The following PLD1 variants were observed in gnomAD, a reference collection of about 807,000 sequenced individuals.
PLD1 encodes choline phosphatase 1.
PLD1 carries 112 observed loss-of-function variants against 137.1 expected under a neutral mutation model. The ratio of observed to expected loss-of-function variants is 0.82; its 90% CI spans 0.70 to 0.96. The LOEUF (loss-of-function observed/expected upper bound fraction) is 0.96, where lower values mean the gene tolerates loss of function less well. Ranked by LOEUF, PLD1 falls within the 40% of genes least tolerant of loss-of-function variation. The pLI, the probability that PLD1 is intolerant of heterozygous loss-of-function variation, is 0.00. For synonymous variants in PLD1, 431 were observed against 454.7 expected, an observed-to-expected ratio of 0.95 and a Z score of 0.66; for missense variants, 1,321 against 1,342.0, an observed-to-expected ratio of 0.98 and a Z score of 0.24.
At chr3:171,795,038 A>G (rs976741154) in intron 1 of PLD1, among the ~76,000 whole-genome samples, 35 of 152,270 alleles carry the variant, frequency 2.3e-4, no homozygotes, top group African/African-American at 8.0e-4. Context: ...GCACACCATT[A>G]TATCATTCTG....
In PLD1 at chr3:171,735,660, T is replaced by C. The variant is rs746413205; in HGVS notation, c.289-23A>G. ...TACCTACAGTGATACATAAAAATGTTTGATATTTTAGATAACAACAAAAAT... is the reference window on the plus strand; with the variant it reads ...TACCTACAGTGATACATAAAAATGTCTGATATTTTAGATAACAACAAAAAT... On this transcript the variant is annotated intron_variant, in intron 3 of 26. Transcript: ENST00000351298. The C allele has an allele frequency of 2.7e-5, 37 of 1,383,382 alleles. No individual in the cohort carries two copies. In the East Asian group the frequency reaches 4.6e-4, roughly 17 times the overall value. The allele number at this position is 1,383,382 out of a possible 1,614,324, so 85.7% of individuals were successfully genotyped here. A position where few individuals can be genotyped will look rare whatever the true frequency, so the allele number is the denominator to read the frequency against.
intron 15 of PLD1, 146 bp downstream of exon 15, chr3:171,687,225 G>T: frequency 1.5e-6 from 1 of 661,118 alleles, no homozygotes. Flanking sequence ...AATGGCATGA[G>T]GTTGAATAGA....
chr3:171,724,321 A>G lies in PLD1; in HGVS notation c.758+375T>C, dbSNP rs78875559. On this transcript the variant is annotated intron_variant, in intron 8 of 26. Coordinates refer to ENST00000351298, the MANE Select transcript of PLD1 (RefSeq NM_002662.5). The stretch of plus-strand genomic sequence containing the variant: ...CCCTCACCACCATTTGTTATTGTCC[A>G]TCTCTTTGATTATAGCCATCCTTAT... 4.7e-3 allele frequency among the ~76,000 whole-genome samples: 712 copies of G among 152,300 alleles called. 3 individuals are homozygous for G. Among genetic ancestry groups the G allele is most frequent in the African/African-American group, 0.017 (687 of 41,564 alleles).
intron 22 of PLD1, 43 bp downstream of exon 22, chr3:171,644,867 G>T: frequency 8.9e-7 from 1 of 1,129,686 alleles, no homozygotes; most frequent in Non-Finnish European, 1.4e-6. Flanking sequence ...CTTACATGAT[G>T]CATGACCGAA....
At position 171,640,200 on chromosome 3, in the gene PLD1, G is replaced by A. The variant is rs192898756; in HGVS notation, c.2593+2640C>T. ...CTCTGTTATTTATTTTATTCTGCTT[G>A]CTTTAGGTTTAGTTTTCTCTTCTTT... is the stretch of plus-strand genomic sequence containing the variant. On this transcript the variant is annotated intron_variant, in intron 23 of 26. Coordinates refer to ENST00000351298, the MANE Select transcript of PLD1 (RefSeq NM_002662.5). 3.0e-3 allele frequency among the ~76,000 whole-genome samples: 454 copies of A among 151,242 alleles called. 2 individuals carry two copies. Among genetic ancestry groups the A allele is most frequent in the Middle Eastern group, 0.014 (4 of 294 alleles).
chr3:171,750,775 C>T (rs886577010), intron 1 of PLD1, among the ~76,000 whole-genome samples: 2 of 152,120 alleles, frequency 1.3e-5, no homozygotes. Flanking sequence ...AATTAGTAAA[C>T]AAAGGTTGCT....
intron 20 of PLD1, among the ~76,000 whole-genome samples, chr3:171,661,742 C>T (rs1711524665): frequency 6.6e-6 from 1 of 152,144 alleles, no homozygotes; most frequent in South Asian, 2.1e-4. Flanking sequence ...CCCTCCAACC[C>T]AAGCGAAAAC....
chr3:171,772,639 AC>A (rs1322175890), intron 1 of PLD1, among the ~76,000 whole-genome samples: 1 of 152,134 alleles, frequency 6.6e-6, no homozygotes, highest in Non-Finnish European at 1.5e-5. Context: ...AGGAGCTAGT[AC>A]CCCACCTGCT....
chr3:171,792,346 C>A (rs191440676), intron 1 of PLD1: 9 of 338,466 alleles, frequency 2.7e-5, no homozygotes, highest in Non-Finnish European at 5.3e-5. Flanking sequence ...CCAGTTCCAT[C>A]CTCTTATCTA....
At chr3:171,790,577 G>A (rs1305127373) in intron 1 of PLD1, among the ~76,000 whole-genome samples, 2 of 152,218 alleles carry the variant, frequency 1.3e-5, no homozygotes, top group Non-Finnish European at 2.9e-5. Context: ...TGCACAGTGA[G>A]GTGTGGCTAT....
At chr3:171,706,328 G>C (rs1352872107) in intron 11 of PLD1, among the ~76,000 whole-genome samples, 2 of 151,166 alleles carry the variant, frequency 1.3e-5, no homozygotes, top group Non-Finnish European at 2.9e-5. Flanking sequence ...TACTAAAGAG[G>C]CTCAACCCAT....
chr3:171,669,620 C>T (rs1712536558), intron 19 of PLD1, among the ~76,000 whole-genome samples: 3 of 152,200 alleles, frequency 2.0e-5, no homozygotes, highest in African/African-American at 2.4e-5. Flanking sequence ...AGGCTGGTCT[C>T]GAACTCCTGA....
intron 21 of PLD1, among the ~76,000 whole-genome samples, chr3:171,648,541 C>T (rs1736461457): frequency 6.6e-6 from 1 of 151,696 alleles, no homozygotes; most frequent in Non-Finnish European, 1.5e-5. Flanking sequence ...AATCCTTCCA[C>T]ATAAGAACAT....
At chr3:171,694,306 T>TA (rs1291655837) in intron 12 of PLD1, among the ~76,000 whole-genome samples, 1 of 152,130 alleles carries the variant, frequency 6.6e-6, no homozygotes, top group African/African-American at 2.4e-5. Context: ...TAGTACTTGC[T>TA]AATTATTTAT....
rs758252162 is a variant in PLD1, at chr3:171,601,629, G to A, written c.*1449C>T. On this transcript the variant is annotated 3_prime_UTR_variant, in exon 27 of 27. Coordinates refer to ENST00000351298, the MANE Select transcript of PLD1 (RefSeq NM_002662.5). Reference sequence around the variant, plus strand: ...CCCCTATCCCTGACTTTGTGCTCCTGTTTAATTTTTCCAACTGAAGTATTA... The same window carrying A: ...CCCCTATCCCTGACTTTGTGCTCCTATTTAATTTTTCCAACTGAAGTATTA... The A allele has an allele frequency of 1.1e-4, 16 of 152,092 alleles. No homozygotes were observed. The highest frequency in any genetic ancestry group is 2.1e-4 in the Non-Finnish European group (14 of 68,026). 9.4% of individuals were successfully genotyped at this position (152,092 alleles called of 1,614,324 possible).
In PLD1 at chr3:171,671,563, T is replaced by C. The variant is rs536564676; in HGVS notation, c.2229+2937A>G. On this transcript the variant is annotated intron_variant, in intron 19 of 26. Transcript: ENST00000351298. ...TTCACTTGTCCCCTTGCTCTCATTA[T>C]CTCTCTAGTCTAATAAGTTCTTCAT... Among the ~76,000 whole-genome samples the C allele has an allele frequency of 1.2e-4, 19 of 152,314 alleles. No individual in the cohort carries two copies. The South Asian group carries it at 3.9e-3, about 32-fold the overall frequency.
At chr3:171,797,579 A>G (rs1327918883) in intron 1 of PLD1, among the ~76,000 whole-genome samples, 2 of 152,158 alleles carry the variant, frequency 1.3e-5, no homozygotes, top group African/African-American at 2.4e-5. Context: ...GAATCCCCAG[A>G]GGGCAGTTGC....
intron 1 of PLD1, chr3:171,788,654 G>A (rs1159645282): frequency 6.6e-6 from 1 of 152,168 alleles, no homozygotes; most frequent in Non-Finnish European, 1.5e-5. Context: ...CACTCATCCA[G>A]GAAAGTACTG....
At chr3:171,631,443 GA>G (rs1734652489) in intron 23 of PLD1, among the ~76,000 whole-genome samples, 1 of 152,184 alleles carries the variant, frequency 6.6e-6, no homozygotes, top group South Asian at 2.1e-4. Context: ...ACAAGAAAGA[GA>G]GAGAATAGGT....
Sources: gnomAD v4.1 joint callset for allele counts (sites outside exome capture counted in the v4.1 genomes callset) on GRCh38, gnomAD v4.1.1 for gene constraint, MANE v1.5 for transcripts, NCBI Gene and HGNC (gene_info 2026-07-23, HGNC 2026-07-21) for gene names.